The following TEX15 variants were observed in gnomAD, a reference collection of about 807,000 sequenced individuals.
TEX15 encodes testis-expressed protein 15.
TEX15 carries 171 observed loss-of-function variants against 237.3 expected under a neutral mutation model. The observed-to-expected ratio is 0.72, with a 90% CI of 0.64 to 0.82. The LOEUF is 0.82. TEX15 is among the 40% of genes least tolerant of loss of function. TEX15 has a pLI of 0.00. For missense variants in TEX15, 3,750 were observed against 3,646.5 expected, an observed-to-expected ratio of 1.03 and a Z score of -0.73; for synonymous variants, 1,338 against 1,269.8, an observed-to-expected ratio of 1.05 and a Z score of -1.14.
At chr8:30,905,754 A>AAAAAAAC in intron 1 of TEX15, among the ~76,000 whole-genome samples, 1 of 150,352 alleles carries the variant, frequency 6.7e-6, no homozygotes, top group Admixed American at 6.6e-5. Context: ...AAAAAAAAAA[A>AAAAAAAC]AAAAGGCTGG....
intron 1 of TEX15, 51 bp from the exon 2 acceptor site, chr8:30,898,868 C>T (rs1808955829): frequency 6.6e-6 from 1 of 152,050 alleles, no homozygotes; most frequent in African/African-American, 2.4e-5. Flanking sequence ...TGATCAGAAG[C>T]TCCCCCAGCC....
At chr8:30,912,360 TATCCCCACGCACCACGAAG>T (rs1277698608) in intron 1 of TEX15, among the ~76,000 whole-genome samples, 1 of 121,054 alleles carries the variant, frequency 8.3e-6, no homozygotes, top group South Asian at 3.4e-4. Context: ...CCCCCGCGGA[TATCCCCACGCACCACGAAG>T]ATCCCCACGC....
intron 1 of TEX15, among the ~76,000 whole-genome samples, chr8:30,902,639 T>G (rs928522158): frequency 2.6e-5 from 4 of 152,230 alleles, no homozygotes; most frequent in African/African-American, 9.6e-5. Flanking sequence ...CAAAAAACTA[T>G]GGTTCATCCT....
chr8:30,902,864 A>C (rs531640769), intron 1 of TEX15, among the ~76,000 whole-genome samples: 1 of 152,346 alleles, frequency 6.6e-6, no homozygotes, highest in South Asian at 2.1e-4. Context: ...GATGAAGCAC[A>C]GTAGAATTTA....
chr8:30,860,002 G>T lies in TEX15; in HGVS notation c.596C>A (p.Ser199Tyr). The T allele has an allele frequency of 1.3e-6, 2 of 1,501,048 alleles. No homozygotes were observed. Among genetic ancestry groups the T allele is most frequent in the Non-Finnish European group, 1.8e-6 (2 of 1,133,800 alleles). 93.0% of individuals were successfully genotyped at this position (1,501,048 alleles called of 1,614,324 possible). Residue 199 changes from serine to tyrosine, a missense_variant, in exon 6 of 11, where the codon TCT becomes TAT. Transcript: ENST00000643185. ...ATCAAAGTTAGGAGAAGGATCCAAA[G>T]AAACTTTATTTTTATCCACAGAAGG... ...IQPSVDKNKV[S>Y]LDPSPNFDCH...
At chr8:30,858,987 C>A (rs1039459990) in intron 6 of TEX15, among the ~76,000 whole-genome samples, 157 bp from the exon 7 acceptor site, 1 of 152,084 alleles carries the variant, frequency 6.6e-6, no homozygotes, top group Non-Finnish European at 1.5e-5. Flanking sequence ...TGAAGATGTA[C>A]AGAATTCCTT....
rs1554502294 is a variant in TEX15, at chr8:30,889,939, A to ATATATACG, written c.-9-2629_-9-2628insCGTATATA. On this transcript the variant is annotated intron_variant, in intron 2 of 10. Coordinates refer to ENST00000643185, the MANE Select transcript of TEX15 (RefSeq NM_001350162.2). Reference sequence around the variant, plus strand: ...ATTTATGTATTAGTTATATACATATATATATATATATATACATATATATAT... The same window carrying ATATATACG: ...ATTTATGTATTAGTTATATACATATATATATACGTATATATATATATACATATATATAT... Among the ~76,000 whole-genome samples the ATATATACG allele has an allele frequency of 3.9e-3, 485 of 125,916 alleles. 8 individuals carry two copies. Among genetic ancestry groups the ATATATACG allele is most frequent in the African/African-American group, 0.018 (464 of 26,380 alleles). The allele number at this position is 125,916 out of a possible 152,430, so 82.6% of individuals were successfully genotyped here.
chr8:30,912,086 C>T (rs1180940212), intron 1 of TEX15, among the ~76,000 whole-genome samples: 2 of 152,234 alleles, frequency 1.3e-5, no homozygotes, highest in Non-Finnish European at 2.9e-5. Flanking sequence ...AGTCGGGGGA[C>T]GCTCCCCTCA....
rs1318442915 is a variant in TEX15 at position 30,831,713 on chromosome 8, T to C, written c.*1573A>G. On this transcript the variant is annotated 3_prime_UTR_variant, in exon 11 of 11. Transcript: ENST00000643185. ...GTTGTTTAAAGAAACAATCCTTAACTAGAATATTTAACTTTTGGTTTACAT... is the reference window on the plus strand; with the variant it reads ...GTTGTTTAAAGAAACAATCCTTAACCAGAATATTTAACTTTTGGTTTACAT... 3 of 152,226 alleles carry C rather than the reference T, an allele frequency of 2.0e-5. No homozygotes were observed. Among genetic ancestry groups the C allele is most frequent in the African/African-American group, 7.2e-5 (3 of 41,478 alleles). The allele number at this position is 152,226 out of a possible 1,614,324, so 9.4% of individuals were successfully genotyped here.
chr8:30,854,622 T>C (rs146565036), intron 7 of TEX15, among the ~76,000 whole-genome samples: 4 of 151,984 alleles, frequency 2.6e-5, no homozygotes, highest in Non-Finnish European at 5.9e-5. Flanking sequence ...GAGGAGAGAA[T>C]AGAATACTTC....
intron 1 of TEX15, among the ~76,000 whole-genome samples, chr8:30,903,635 G>T (rs576335649): frequency 1.0e-3 from 156 of 152,256 alleles, no homozygotes; most frequent in African/African-American, 3.4e-3. Flanking sequence ...TATTCCACCA[G>T]GAAGATTACC....
chr8:30,886,902 G>C lies in TEX15; in HGVS notation c.136+265C>G, dbSNP rs917151570. 2.2e-5 allele frequency: 6 copies of C among 275,600 alleles called. No individual in the cohort carries two copies. The East Asian group carries it at 4.1e-4, about 19-fold the overall frequency. 17.1% of individuals were successfully genotyped at this position (275,600 alleles called of 1,614,324 possible). A position where few individuals can be genotyped will look rare whatever the true frequency, so the allele number is the denominator to read the frequency against. On this transcript the variant is annotated intron_variant, in intron 3 of 10. Coordinates refer to ENST00000643185, the MANE Select transcript of TEX15 (RefSeq NM_001350162.2). ...TCCCTGAGTCTCACATTCCCTAGTTGGTTGGTCTTCTCTCCAGTTTCGAAA... is the reference window on the plus strand; with the variant it reads ...TCCCTGAGTCTCACATTCCCTAGTTCGTTGGTCTTCTCTCCAGTTTCGAAA...
At position 30,837,157 on chromosome 8, in the gene TEX15, C is replaced by CA. The variant is rs774751187; in HGVS notation, c.9126dup (p.Ala3043CysfsTer26). On this transcript the variant is annotated frameshift_variant, in exon 10 of 11. Transcript: ENST00000643185. LOFTEE classifies it high-confidence loss of function. ...TTGCTGTACTGATAAACACACCAAG[C>CA]AGAGTATGGATATGAAGTTCCAAAT... is the stretch of plus-strand genomic sequence containing the variant. The CA allele has an allele frequency of 6.2e-7, 1 of 1,614,036 alleles. No individual in the cohort carries two copies. Among genetic ancestry groups the CA allele is most frequent in the East Asian group, 2.2e-5 (1 of 44,878 alleles).
At chr8:30,877,219 T>C (rs1808418363) in intron 3 of TEX15, among the ~76,000 whole-genome samples, 1 of 152,224 alleles carries the variant, frequency 6.6e-6, no homozygotes, top group Admixed American at 6.5e-5. Flanking sequence ...ACTCAAATTC[T>C]AGAGCCCTAC....
At position 30,865,700 on chromosome 8, in the gene TEX15, C is replaced by T. The variant is rs117389353; in HGVS notation, c.540+1565G>A. On this transcript the variant is annotated intron_variant, in intron 5 of 10. Transcript: ENST00000643185. The stretch of plus-strand genomic sequence containing the variant: ...ATCAAGAAAATCAAAAACAAAAAAA[C>T]CATATTATCATTTCATTAGATGCTG... Among the ~76,000 whole-genome samples the T allele has an allele frequency of 7.2e-3, 1,096 of 152,150 alleles. 8 individuals are homozygous for T. The highest frequency in any genetic ancestry group is 0.013 in the South Asian group (62 of 4,826).
chr8:30,877,237 T>C (rs147282178), intron 3 of TEX15, among the ~76,000 whole-genome samples: 25 of 152,304 alleles, frequency 1.6e-4, no homozygotes, highest in East Asian at 3.9e-4. Flanking sequence ...TACGTGCATG[T>C]CTGTGAAAGC....
intron 2 of TEX15, among the ~76,000 whole-genome samples, chr8:30,891,533 G>A (rs1808794563): frequency 6.6e-6 from 1 of 151,832 alleles, no homozygotes; most frequent in South Asian, 2.1e-4. Context: ...GGGCTGGAGT[G>A]AAGTGGCGTG....
At chr8:30,834,739 C>T (rs2128765649) in intron 10 of TEX15, among the ~76,000 whole-genome samples, 1 of 152,244 alleles carries the variant, frequency 6.6e-6, no homozygotes, top group South Asian at 2.1e-4. Flanking sequence ...TGACGTTGGA[C>T]ATAGAGGACT....
Position 30,838,052 on chromosome 8 carries a change from T to C in TEX15, c.8232A>G (p.Gly2744=). 1 of 1,608,580 alleles carries C rather than the reference T, an allele frequency of 6.2e-7. No homozygotes were observed. The highest frequency in any genetic ancestry group is 8.5e-7 in the Non-Finnish European group (1 of 1,178,328). The change falls in exon 10 of 11, where the codon GGA becomes GGG. Residue 2744 remains glycine, a synonymous_variant. Coordinates refer to ENST00000643185, the MANE Select transcript of TEX15 (RefSeq NM_001350162.2). The part of the protein sequence containing the change: ...KATFKHPRTT[G]SHPKSENKIV... ...TTTTGTTTTCGCTTTTGGGATGAGA[T>C]CCTGTAGTCCTATTAGGTGCAACAC...
Sources: gnomAD v4.1 joint callset for allele counts (sites outside exome capture counted in the v4.1 genomes callset) on GRCh38, gnomAD v4.1.1 for gene constraint, MANE v1.5 for transcripts, NCBI Gene and HGNC (gene_info 2026-07-23, HGNC 2026-07-21) for gene names.